SLC24A2: variants seen among roughly 807,000 people sequenced by gnomAD.
SLC24A2 encodes sodium/potassium/calcium exchanger 2.
Under a neutral mutation model 62.0 loss-of-function variants are expected in SLC24A2, and 36 were observed. The observed-to-expected ratio is 0.58, with a 90% CI of 0.44 to 0.77. The LOEUF is 0.77. SLC24A2 is among the 30% of genes least tolerant of loss of function. SLC24A2 has a pLI of 0.00. For synonymous variants in SLC24A2, 358 were observed against 294.0 expected, an observed-to-expected ratio of 1.22 and a Z score of -2.23; for missense variants, 846 against 817.9, an observed-to-expected ratio of 1.03 and a Z score of -0.42.
chr9:19,516,447 G>C (rs1248483125), intron 10 of SLC24A2, 45 bp from the exon 11 acceptor site: 28 of 1,607,626 alleles, frequency 1.7e-5, no homozygotes, highest in Non-Finnish European at 2.3e-5. Flanking sequence ...GAAGACAAGG[G>C]AGTAGTCAGA....
intron 2 of SLC24A2, among the ~76,000 whole-genome samples, chr9:19,695,057 G>A (rs887949712): frequency 1.4e-5 from 2 of 145,588 alleles, no homozygotes; most frequent in African/African-American, 4.9e-5. Context: ...TCCTAGAGCA[G>A]CAGTTCTAAC....
the SLC24A2 span, among the ~76,000 whole-genome samples, chr9:19,908,321 T>C: frequency 5.9e-5 from 9 of 152,248 alleles, no homozygotes; most frequent in African/African-American, 1.2e-4. Flanking sequence ...TTACACCTTA[T>C]ACAAAAATTA....
the SLC24A2 span, among the ~76,000 whole-genome samples, chr9:19,913,641 C>T: frequency 2.2e-4 from 33 of 152,164 alleles, no homozygotes; most frequent in African/African-American, 7.5e-4. Context: ...CAAGCCTATG[C>T]TTTATTGCTT....
At chr9:19,747,575 A>T (rs1009815344) in intron 2 of SLC24A2, among the ~76,000 whole-genome samples, 1 of 152,242 alleles carries the variant, frequency 6.6e-6, no homozygotes, top group African/African-American at 2.4e-5. Context: ...TCATATACAT[A>T]TTATTATCTG....
At chr9:20,145,442 T>C in the SLC24A2 span, among the ~76,000 whole-genome samples, 6 of 152,120 alleles carry the variant, frequency 3.9e-5, no homozygotes, top group Non-Finnish European at 7.3e-5. Context: ...TATATTTTTT[T>C]AGTAGTCATC....
chr9:20,135,334 T>G, the SLC24A2 span, among the ~76,000 whole-genome samples: 18,045 of 142,100 alleles, frequency 0.13, 1,690 homozygotes, highest in East Asian at 0.45. Context: ...CAATTTAAAA[T>G]TTTAATTTTT....
At chr9:20,224,579 CT>C in the SLC24A2 span, among the ~76,000 whole-genome samples, 1 of 151,794 alleles carries the variant, frequency 6.6e-6, no homozygotes, top group African/African-American at 2.4e-5. Context: ...AGCAAGTTGC[CT>C]TCAAGGTAAA....
chr9:20,110,385 C>T, the SLC24A2 span, among the ~76,000 whole-genome samples: 1 of 152,040 alleles, frequency 6.6e-6, no homozygotes. Flanking sequence ...AGTCTAAAAG[C>T]TTCTGTAAAT....
the SLC24A2 span, among the ~76,000 whole-genome samples, chr9:20,081,308 A>G: frequency 3.3e-5 from 5 of 151,970 alleles, no homozygotes; most frequent in African/African-American, 4.8e-5. Context: ...ATAAAAAATG[A>G]TGAGTTCATG....
At chr9:20,164,441 C>A in the SLC24A2 span, among the ~76,000 whole-genome samples, 1 of 152,110 alleles carries the variant, frequency 6.6e-6, no homozygotes, top group Non-Finnish European at 1.5e-5. Flanking sequence ...GAGATACCAT[C>A]TCACACCAGT....
the SLC24A2 span, among the ~76,000 whole-genome samples, chr9:19,944,388 C>T: frequency 6.7e-6 from 1 of 148,592 alleles, no homozygotes; most frequent in Non-Finnish European, 1.5e-5. Flanking sequence ...ATGCAATATA[C>T]CCAGGTAACA....
the SLC24A2 span, among the ~76,000 whole-genome samples, chr9:20,103,313 A>T: frequency 2.0e-5 from 3 of 152,200 alleles, no homozygotes; most frequent in Non-Finnish European, 2.9e-5. Context: ...TGCAGACTTA[A>T]AAGTCCCTGT....
the SLC24A2 span, among the ~76,000 whole-genome samples, chr9:19,963,469 T>C: frequency 1.3e-5 from 2 of 150,548 alleles, no homozygotes; most frequent in Admixed American, 1.3e-4. Context: ...AACCTACTCA[T>C]CTGACAAAGG....
the SLC24A2 span, among the ~76,000 whole-genome samples, chr9:20,075,804 A>G: frequency 3.9e-5 from 6 of 152,156 alleles, no homozygotes; most frequent in African/African-American, 1.2e-4. Context: ...CACCCATTTT[A>G]AGAGAAATTG....
intron 8 of SLC24A2, among the ~76,000 whole-genome samples, chr9:19,535,198 G>C (rs940066388): frequency 1.3e-5 from 2 of 152,048 alleles, no homozygotes; most frequent in Admixed American, 1.3e-4. Flanking sequence ...CCCACTTTTT[G>C]ATGGGGTTGT....
At chr9:20,128,557 G>A in the SLC24A2 span, among the ~76,000 whole-genome samples, 1 of 152,066 alleles carries the variant, frequency 6.6e-6, no homozygotes, top group Non-Finnish European at 1.5e-5. Context: ...TCAAAAGGGA[G>A]CCCAGAATTT....
At chr9:20,289,742 C>G in the SLC24A2 span, among the ~76,000 whole-genome samples, 1 of 152,162 alleles carries the variant, frequency 6.6e-6, no homozygotes, top group Admixed American at 6.5e-5. Flanking sequence ...CTCCCATCCA[C>G]TAGGCCCCAA....
the SLC24A2 span, among the ~76,000 whole-genome samples, chr9:20,238,947 G>T: frequency 6.6e-6 from 1 of 152,302 alleles, no homozygotes; most frequent in Admixed American, 6.5e-5. Flanking sequence ...TGACCTCAGA[G>T]AAAAGGCCAC....
intron 2 of SLC24A2, among the ~76,000 whole-genome samples, chr9:19,745,617 G>A (rs369533693): frequency 1.3e-5 from 2 of 152,150 alleles, no homozygotes; most frequent in Admixed American, 6.5e-5. Context: ...ACCTACCTGT[G>A]AGTGTACCTG....
Sources: allele counts gnomAD v4.1 joint callset (sites outside exome capture counted in the v4.1 genomes callset), GRCh38; gene constraint gnomAD v4.1.1; transcripts MANE v1.5; gene names NCBI Gene and HGNC (gene_info 2026-07-23, HGNC 2026-07-21).